IL33: variants seen among roughly 807,000 people sequenced by gnomAD.
IL33 encodes interleukin-33.
In IL33, 37 loss-of-function variants were observed where a neutral mutation model predicts 27.3. The observed-to-expected ratio is 1.36, with a 90% CI of 1.04 to 1.78. IL33 has a LOEUF of 1.78. IL33 is among the 40% of genes most tolerant of loss of function. The pLI is 0.00. For synonymous variants in IL33, 132 were observed against 102.9 expected (o/e 1.28, Z -1.71); for missense variants, 406 against 311.4 (o/e 1.30, Z -2.29).
chr9:6,233,725 T>C (rs1359740252), intron 1 of IL33, among the ~76,000 whole-genome samples: 1 of 152,196 alleles, frequency 6.6e-6, no homozygotes, highest in Non-Finnish European at 1.5e-5. Context: ...TCATTATTAT[T>C]AAGAAACTGA....
At chr9:6,237,221 C>T (rs1564059979) in intron 1 of IL33, among the ~76,000 whole-genome samples, 1 of 151,988 alleles carries the variant, frequency 6.6e-6, no homozygotes, top group South Asian at 2.1e-4. Flanking sequence ...AGTGATGTTC[C>T]TATTGCCATA....
intron 1 of IL33, among the ~76,000 whole-genome samples, chr9:6,216,140 G>GT (rs1818131988): frequency 6.6e-6 from 1 of 151,272 alleles, no homozygotes; most frequent in South Asian, 2.1e-4. Context: ...TTTATTTTAT[G>GT]TTTTTTAAGA....
intron 1 of IL33, among the ~76,000 whole-genome samples, chr9:6,231,488 G>A (rs959633497): frequency 6.6e-6 from 1 of 152,170 alleles, no homozygotes; most frequent in Non-Finnish European, 1.5e-5. Flanking sequence ...TTTGGGTGCA[G>A]TTTAAATGTC....
intron 6 of IL33, among the ~76,000 whole-genome samples, 195 bp downstream of exon 6, chr9:6,253,797 AG>A (rs1816560019): frequency 6.6e-6 from 1 of 152,208 alleles, no homozygotes. Flanking sequence ...GTTAGGATAA[AG>A]TTTTGGCTAC....
At chr9:6,227,281 T>C (rs770325890) in intron 1 of IL33, among the ~76,000 whole-genome samples, 50 of 152,252 alleles carry the variant, frequency 3.3e-4, no homozygotes, top group Non-Finnish European at 5.7e-4. Flanking sequence ...CTGGTCCTGA[T>C]TCTTTATGTA....
At chr9:6,221,417 C>A (rs1818406878) in intron 1 of IL33, among the ~76,000 whole-genome samples, 1 of 152,108 alleles carries the variant, frequency 6.6e-6, no homozygotes, top group Non-Finnish European at 1.5e-5. Flanking sequence ...TCTGGCTGTC[C>A]AATTATTACT....
intron 1 of IL33, among the ~76,000 whole-genome samples, chr9:6,223,826 T>A (rs1818514590): frequency 6.6e-6 from 1 of 152,174 alleles, no homozygotes; most frequent in African/African-American, 2.4e-5. Context: ...GTCGGGCAGT[T>A]TCAGAGTTGG....
At chr9:6,225,945 C>T (rs766583159) in intron 1 of IL33, among the ~76,000 whole-genome samples, 5 of 152,108 alleles carry the variant, frequency 3.3e-5, no homozygotes, top group Non-Finnish European at 4.4e-5. Flanking sequence ...CCTGGCTGAT[C>T]TCACTTTTTT....
chr9:6,218,675 C>CAT (rs950530789), intron 1 of IL33, among the ~76,000 whole-genome samples: 1 of 128,980 alleles, frequency 7.8e-6, no homozygotes, highest in Non-Finnish European at 1.6e-5. Flanking sequence ...TATATATCCC[C>CAT]ATATATATAT....
intron 2 of IL33, 102 bp from the exon 3 acceptor site, chr9:6,250,372 C>A: frequency 7.6e-7 from 1 of 1,312,836 alleles, no homozygotes; most frequent in Non-Finnish European, 1.0e-6. Flanking sequence ...TGATAAGATA[C>A]TGTGAACCTG....
chr9:6,247,317 G>C (rs1033522103), intron 2 of IL33, among the ~76,000 whole-genome samples: 4 of 152,138 alleles, frequency 2.6e-5, no homozygotes, highest in African/African-American at 9.7e-5. Flanking sequence ...TAAGGAAAGA[G>C]GGGTTCAAAG....
At chr9:6,230,139 C>T (rs192754546) in intron 1 of IL33, among the ~76,000 whole-genome samples, 3 of 152,190 alleles carry the variant, frequency 2.0e-5, no homozygotes, top group Admixed American at 6.5e-5. Context: ...CTGGATAAGA[C>T]CACATCCAGG....
At chr9:6,231,583 A>G (rs1818928729) in intron 1 of IL33, among the ~76,000 whole-genome samples, 1 of 152,210 alleles carries the variant, frequency 6.6e-6, no homozygotes, top group East Asian at 1.9e-4. Flanking sequence ...TTCATTAATA[A>G]CATATTTGTA....
At chr9:6,231,919 C>A (rs1818947478) in intron 1 of IL33, among the ~76,000 whole-genome samples, 1 of 152,150 alleles carries the variant, frequency 6.6e-6, no homozygotes, top group Non-Finnish European at 1.5e-5. Context: ...AATGAGTATG[C>A]ATTTTTAGTA....
chr9:6,241,690 GA>G lies in IL33; in HGVS notation c.1del. On this transcript the variant is annotated 5_prime_UTR_variant, in exon 2 of 8. Transcript: ENST00000682010. ...TTATATTTTAATCCAACAGAATACT[GA>G]AAAATGAAGCCTAAAATGAAGTATT... The G allele has an allele frequency of 1.9e-6, 3 of 1,591,148 alleles. No individual in the cohort carries two copies. The highest frequency in any genetic ancestry group is 2.6e-6 in the Non-Finnish European group (3 of 1,164,454).
chr9:6,254,829 C>A (rs1439199870), intron 7 of IL33, among the ~76,000 whole-genome samples: 2 of 152,088 alleles, frequency 1.3e-5, no homozygotes, highest in East Asian at 3.9e-4. Flanking sequence ...ATTCTAAGCC[C>A]CCCAGAAATA....
chr9:6,256,098 C>A lies in IL33; in HGVS notation c.743C>A (p.Ala248Asp). 1 of 1,612,938 alleles carries A rather than the reference C, an allele frequency of 6.2e-7. No individual in the cohort carries two copies. The highest frequency in any genetic ancestry group is 8.5e-7 in the Non-Finnish European group (1 of 1,179,072). Residue 248 changes from alanine to aspartate, a missense_variant, in exon 8 of 8, where the codon GCT becomes GAT. Transcript: ENST00000682010. ...ATAGGTGTAAAGGATAATCATCTTG[C>A]TCTGATTAAAGTAGACTCTTCTGAG... is the stretch of plus-strand genomic sequence containing the variant. The part of the protein sequence containing the change: ...VFIGVKDNHL[A>D]LIKVDSSENL...
intron 1 of IL33, among the ~76,000 whole-genome samples, chr9:6,221,661 G>C (rs1818416729): frequency 6.6e-6 from 1 of 152,056 alleles, no homozygotes; most frequent in Non-Finnish European, 1.5e-5. Context: ...AGAGCATCTG[G>C]GTTTAGACCC....
At chr9:6,241,546 T>C in intron 1 of IL33, 138 bp from the exon 2 acceptor site, 1 of 550,348 alleles carries the variant, frequency 1.8e-6, no homozygotes, top group Non-Finnish European at 3.3e-6. Flanking sequence ...ATAGTTAGAA[T>C]ACTACGTTCA....
Sources: gnomAD v4.1 joint callset for allele counts (sites outside exome capture counted in the v4.1 genomes callset) on GRCh38, gnomAD v4.1.1 for gene constraint, MANE v1.5 for transcripts, NCBI Gene and HGNC (gene_info 2026-07-23, HGNC 2026-07-21) for gene names.